The following AUNIP variants were observed in gnomAD, a reference collection of about 807,000 sequenced individuals.
The protein encoded by AUNIP is aurora kinase A- and ninein-interacting protein.
AUNIP carries 16 observed loss-of-function variants against 12.2 expected under a neutral mutation model. The ratio of observed to expected loss-of-function variants is 1.31; its 90% CI spans 0.88 to 1.99. The LOEUF (loss-of-function observed/expected upper bound fraction) is 1.99, where lower values mean the gene tolerates loss of function less well. Among genes scored for constraint, AUNIP ranks in the 30% most tolerant of loss-of-function variants. The pLI is 0.00. For missense variants in AUNIP, 411 were observed against 419.1 expected (o/e 0.98, Z 0.17); for synonymous variants, 142 against 154.8 (o/e 0.92, Z 0.61).
chr1:25,835,252 AAC>A lies in AUNIP; in HGVS notation c.813_814del (p.Ser273LeufsTer4), dbSNP rs1278408273. 6.2e-7 allele frequency: 1 copy of A among 1,614,230 alleles called. No individual in the cohort carries two copies. Among genetic ancestry groups the A allele is most frequent in the South Asian group, 1.1e-5 (1 of 91,092 alleles). ...GTCATTCTTTTCATTGTCCCAGGAAAACACAGAAACTGGACTACGGCTTTGTT... is the reference window on the plus strand; with the variant it reads ...GTCATTCTTTTCATTGTCCCAGGAAAACAGAAACTGGACTACGGCTTTGTT... On this transcript the variant is annotated frameshift_variant, in exon 3 of 3. Transcript: ENST00000374298. LOFTEE classifies it high-confidence loss of function.
chr1:25,844,546 C>T (rs375392522), intron 1 of AUNIP, among the ~76,000 whole-genome samples: 8 of 152,138 alleles, frequency 5.3e-5, no homozygotes, highest in African/African-American at 1.7e-4. Context: ...TTAACTCTTC[C>T]GATAATTTAT....
At chr1:25,833,222 C>T (rs377042281), downstream of AUNIP, among the ~76,000 whole-genome samples, 85 of 152,150 alleles carry the variant, frequency 5.6e-4, no homozygotes, top group African/African-American at 1.9e-3. Flanking sequence ...TCAAGTGAGC[C>T]TCCCACCTTA....
chr1:25,855,154 A>G (rs1443909009), intron 1 of AUNIP, among the ~76,000 whole-genome samples: 1 of 151,826 alleles, frequency 6.6e-6, no homozygotes, highest in African/African-American at 2.4e-5. Flanking sequence ...ATGGGGTTTC[A>G]CCATGTTGGC....
intron 1 of AUNIP, among the ~76,000 whole-genome samples, chr1:25,848,355 C>T (rs183913932): frequency 4.7e-4 from 72 of 151,974 alleles, no homozygotes; most frequent in Non-Finnish European, 7.6e-4. Flanking sequence ...TGGTGGTGCA[C>T]GCCTGTAATC....
intron 1 of AUNIP, among the ~76,000 whole-genome samples, chr1:25,849,756 C>G (rs1371965668): frequency 6.6e-6 from 1 of 152,168 alleles, no homozygotes; most frequent in East Asian, 1.9e-4. Context: ...GCCTCAGTCT[C>G]CTGAGCAGCT....
At chr1:25,855,479 A>G (rs2048454317) in intron 1 of AUNIP, among the ~76,000 whole-genome samples, 1 of 152,060 alleles carries the variant, frequency 6.6e-6, no homozygotes, top group African/African-American at 2.4e-5. Context: ...TTAAACAAAC[A>G]TATATTATTT....
At chr1:25,859,228 G>T (rs534886638) in intron 1 of AUNIP, 52 bp downstream of exon 1, 2 of 1,536,362 alleles carry the variant, frequency 1.3e-6, no homozygotes, top group African/African-American at 2.8e-5. Context: ...CCCGTCTTAC[G>T]CCTCCAGGCC....
At position 25,834,079 on chromosome 1, in the gene AUNIP, C is replaced by T. The variant is rs1396555508; in HGVS notation, c.*914G>A. On this transcript the variant is annotated 3_prime_UTR_variant, in exon 3 of 3. Transcript: ENST00000374298. ...CTCCTATCTTGTGGGAAAAGGGTAA[C>T]AGAGTCACATCCAGATTGTTGTACA... 1 of 985,198 alleles carries T rather than the reference C, an allele frequency of 1.0e-6. No homozygotes were observed. Among genetic ancestry groups the T allele is most frequent in the Non-Finnish European group, 1.2e-6 (1 of 829,864 alleles). 61.0% of individuals were successfully genotyped at this position (985,198 alleles called of 1,614,324 possible). A position where few individuals can be genotyped will look rare whatever the true frequency, so the allele number is the denominator to read the frequency against.
chr1:25,831,984 G>A, downstream of AUNIP: 2 of 1,614,220 alleles, frequency 1.2e-6, no homozygotes, highest in East Asian at 2.2e-5. Context: ...TAAGGAGGAA[G>A]TTTGCTCTAA....
chr1:25,844,404 T>TA (rs1167654120), intron 1 of AUNIP, among the ~76,000 whole-genome samples: 2 of 152,142 alleles, frequency 1.3e-5, no homozygotes, highest in East Asian at 3.9e-4. Context: ...CGGCCAAGTG[T>TA]GACCCTTTCT....
In AUNIP at chr1:25,835,424, T is replaced by C; in HGVS notation, c.643A>G (p.Thr215Ala). Residue 215 changes from threonine to alanine, a missense_variant, in exon 3 of 3, where the codon ACC (threonine) becomes GCC (alanine). Coordinates refer to ENST00000374298, the MANE Select transcript of AUNIP (RefSeq NM_024037.3). ...CAGCATTTGTCCCCAGGTAGTTTGG[T>C]GTGTTTCTCCATACTCTGATAGTTC... ...KKNYQSMEKH[T>A]KLPGDKCCQP... is the part of the protein sequence containing the mutation. 6.2e-7 allele frequency: 1 copy of C among 1,614,238 alleles called. No individual in the cohort carries two copies. Among genetic ancestry groups the C allele is most frequent in the Non-Finnish European group, 8.5e-7 (1 of 1,180,040 alleles).
intron 1 of AUNIP, 29 bp downstream of exon 1, chr1:25,859,251 C>G (rs1409757715): frequency 6.4e-7 from 1 of 1,560,010 alleles, no homozygotes; most frequent in African/African-American, 1.4e-5. Flanking sequence ...ACCTGGTTCC[C>G]AACGCCCTCT....
At chr1:25,835,939 A>G in intron 2 of AUNIP, 93 bp from the exon 3 acceptor site, 2 of 1,519,908 alleles carry the variant, frequency 1.3e-6, no homozygotes, top group South Asian at 1.3e-5. Flanking sequence ...ATCAGCTACT[A>G]TTACTACCTA....
intron 1 of AUNIP, 84 bp from the exon 2 acceptor site, chr1:25,837,638 C>T: frequency 7.2e-7 from 1 of 1,389,580 alleles, no homozygotes; most frequent in South Asian, 1.4e-5. Flanking sequence ...CAGTGATCCT[C>T]TGAGAACCAC....
In AUNIP at chr1:25,852,446, AG is replaced by A. The variant is rs1182108949; in HGVS notation, c.78+6833del. ...TTAAGGTAGAAGATTAGATTATTTA[AG>A]GTTTTTTTTTTTGTTGTTTTTTTTT... On this transcript the variant is annotated intron_variant, in intron 1 of 2. Coordinates refer to ENST00000374298, the MANE Select transcript of AUNIP (RefSeq NM_024037.3). Among the ~76,000 whole-genome samples the A allele has an allele frequency of 2.4e-3, 348 of 143,426 alleles. 2 individuals are homozygous for A. Among genetic ancestry groups the A allele is most frequent in the Non-Finnish European group, 4.1e-3 (269 of 65,466 alleles). The allele number at this position is 143,426 out of a possible 152,430, so 94.1% of individuals were successfully genotyped here.
chr1:25,846,502 T>G (rs971162816), intron 1 of AUNIP, among the ~76,000 whole-genome samples: 2 of 144,420 alleles, frequency 1.4e-5, no homozygotes, highest in African/African-American at 5.2e-5. Context: ...GGCGAGCAGA[T>G]CACCTGTGGT....
intron 1 of AUNIP, among the ~76,000 whole-genome samples, chr1:25,845,057 AC>A (rs1457865370): frequency 1.3e-5 from 2 of 152,220 alleles, no homozygotes; most frequent in Non-Finnish European, 2.9e-5. Flanking sequence ...TGAATTAGTA[AC>A]CAAGTATTCA....
chr1:25,843,580 G>A (rs1002627942), intron 1 of AUNIP, among the ~76,000 whole-genome samples: 1 of 116,538 alleles, frequency 8.6e-6, no homozygotes, highest in African/African-American at 3.4e-5. Flanking sequence ...AAAATAGTGA[G>A]CTCCTGTCTG....
intron 2 of AUNIP, among the ~76,000 whole-genome samples, chr1:25,836,410 A>G (rs975780469): frequency 6.6e-6 from 1 of 152,242 alleles, no homozygotes; most frequent in Non-Finnish European, 1.5e-5. Context: ...TGAAGACACA[A>G]TTAGGATGCT....
Sources: allele counts gnomAD v4.1 joint callset (sites outside exome capture counted in the v4.1 genomes callset), GRCh38; gene constraint gnomAD v4.1.1; transcripts MANE v1.5; gene names NCBI Gene and HGNC (gene_info 2026-07-23, HGNC 2026-07-21).